ANKRD13C: variants seen among roughly 807,000 people sequenced by gnomAD.
ANKRD13C encodes ankyrin repeat domain 13C.
ANKRD13C carries 16 observed loss-of-function variants against 65.5 expected under a neutral mutation model. The observed-to-expected ratio is 0.24, with a 90% CI of 0.17 to 0.37. The LOEUF (loss-of-function observed/expected upper bound fraction) is 0.37. Among genes scored for constraint, ANKRD13C ranks in the 10% least tolerant of loss-of-function variants. ANKRD13C has a pLI of 1.00. For synonymous variants in ANKRD13C, 235 were observed against 238.7 expected (o/e 0.98, Z 0.14); for missense variants, 503 against 655.9 (o/e 0.77, Z 2.55).
chr1:70,328,840 G>C (rs1340243843), intron 2 of ANKRD13C, among the ~76,000 whole-genome samples: 1 of 152,098 alleles, frequency 6.6e-6, no homozygotes, highest in Non-Finnish European at 1.5e-5. Context: ...GGGGATGATA[G>C]CCAAGATAAA....
chr1:70,334,696 G>A (rs962746423), intron 2 of ANKRD13C, among the ~76,000 whole-genome samples: 2 of 151,800 alleles, frequency 1.3e-5, no homozygotes, highest in Non-Finnish European at 1.5e-5. Context: ...AGGTCAAGGC[G>A]GGTGGATCAC....
At chr1:70,321,390 A>T (rs764252958) in intron 3 of ANKRD13C, among the ~76,000 whole-genome samples, 2 of 152,242 alleles carry the variant, frequency 1.3e-5, no homozygotes, top group Non-Finnish European at 2.9e-5. Flanking sequence ...TTGAAGGCTA[A>T]ATGAAGACTT....
In ANKRD13C at chr1:70,262,282, A is replaced by G. The variant is rs1203456925; in HGVS notation, c.*435T>C. On this transcript the variant is annotated 3_prime_UTR_variant, in exon 13 of 13. Transcript: ENST00000370944. ...AATATTTATAAATGTCACCTTGCAT[A>G]AAGATGACAAGTTTAAAAGGGCTCC... is the stretch of plus-strand genomic sequence containing the variant. The G allele has an allele frequency of 6.5e-6, 1 of 152,704 alleles. No homozygotes were observed. The highest frequency in any genetic ancestry group is 1.5e-5 in the Non-Finnish European group (1 of 68,086). The allele number at this position is 152,704 out of a possible 1,614,324, so 9.5% of individuals were successfully genotyped here.
intron 1 of ANKRD13C, among the ~76,000 whole-genome samples, chr1:70,351,537 T>A (rs1315862430): frequency 6.6e-6 from 1 of 152,054 alleles, no homozygotes; most frequent in Non-Finnish European, 1.5e-5. Context: ...ATAGCTGGGA[T>A]TACAAGCATG....
In ANKRD13C at chr1:70,292,456, T is replaced by C. The variant is rs1679902247; in HGVS notation, c.1147A>G (p.Ile383Val). 1 of 1,609,290 alleles carries C rather than the reference T, an allele frequency of 6.2e-7. No individual in the cohort carries two copies. The highest frequency in any genetic ancestry group is 8.5e-7 in the Non-Finnish European group (1 of 1,178,260). The change falls in exon 9 of 13, where the codon ATT becomes GTT. Residue 383 changes from isoleucine (I) to valine (V), a missense_variant. Ile to Val is a conservative substitution (Grantham distance 29). Coordinates refer to ENST00000370944, the MANE Select transcript of ANKRD13C (RefSeq NM_030816.5). ...KRREHLSEEDILRNKAIMESL... is the reference protein window; with the variant it reads ...KRREHLSEEDVLRNKAIMESL... ...TCCATGATGGCCTTATTTCGAAGAA[T>C]ATCCTCTTCACTGAGATGTTCTCTT...
At chr1:70,285,356 G>A (rs1285709365) in intron 9 of ANKRD13C, among the ~76,000 whole-genome samples, 2 of 151,272 alleles carry the variant, frequency 1.3e-5, no homozygotes, top group Non-Finnish European at 2.9e-5. Context: ...CCATGCCCAC[G>A]AATTTTATTT....
At chr1:70,317,454 A>G (rs1055793494) in intron 3 of ANKRD13C, among the ~76,000 whole-genome samples, 9 of 152,156 alleles carry the variant, frequency 5.9e-5, no homozygotes, top group African/African-American at 2.2e-4. Context: ...TTGGTTTCAA[A>G]TATCTTTTTT....
In ANKRD13C at chr1:70,260,789, C is replaced by A. The variant is rs1572001084; in HGVS notation, c.*1928G>T. 1 of 152,096 alleles carries A rather than the reference C, an allele frequency of 6.6e-6. No homozygotes were observed. Among genetic ancestry groups the A allele is most frequent in the African/African-American group, 2.4e-5 (1 of 41,432 alleles). 9.4% of individuals were successfully genotyped at this position (152,096 alleles called of 1,614,324 possible). A position where few individuals can be genotyped will look rare whatever the true frequency, so the allele number is the denominator to read the frequency against. ...GCAAAAATTTCCAGTAGTCTTCCTA[C>A]CTCCAGTGTACCCCAGCAAAATATT... On this transcript the variant is annotated 3_prime_UTR_variant, in exon 13 of 13. Transcript: ENST00000370944.
In ANKRD13C at chr1:70,354,654, G is replaced by C. The variant is rs1367853122; in HGVS notation, c.-246C>G. ...AGGTGCCCACGACACCAGGATCTCA[G>C]TCTCGCCGTCGCAGCCGCCGTCGCT... is the stretch of plus-strand genomic sequence containing the variant. On this transcript the variant is annotated 5_prime_UTR_variant, in exon 1 of 13. Transcript: ENST00000370944. 1 of 941,038 alleles carries C rather than the reference G, an allele frequency of 1.1e-6. No homozygotes were observed. Among genetic ancestry groups the C allele is most frequent in the African/African-American group, 1.7e-5 (1 of 60,148 alleles). 58.3% of individuals were successfully genotyped at this position (941,038 alleles called of 1,614,324 possible).
intron 2 of ANKRD13C, among the ~76,000 whole-genome samples, chr1:70,329,739 A>G (rs1681699759): frequency 6.6e-6 from 1 of 152,086 alleles, no homozygotes. Flanking sequence ...GCAACTAACA[A>G]AAAATCAGAT....
intron 1 of ANKRD13C, among the ~76,000 whole-genome samples, chr1:70,338,395 GAA>G (rs1479767865): frequency 1.3e-5 from 2 of 151,986 alleles, no homozygotes; most frequent in Non-Finnish European, 2.9e-5. Context: ...AAATGTTTAA[GAA>G]CAATTTTTGT....
At chr1:70,292,590 T>TA (rs1304087285) in intron 8 of ANKRD13C, 41 bp from the exon 9 acceptor site, 18 of 1,456,824 alleles carry the variant, frequency 1.2e-5, no homozygotes, top group Non-Finnish European at 1.6e-5. Flanking sequence ...ATTTTTAGGT[T>TA]AAAAAAAGTG....
chr1:70,279,223 G>A (rs903332404), intron 9 of ANKRD13C, among the ~76,000 whole-genome samples: 2 of 148,034 alleles, frequency 1.4e-5, no homozygotes, highest in Admixed American at 1.3e-4. Context: ...AATTAAAAAA[G>A]AGAGAGAGAG....
At chr1:70,279,592 G>A (rs1170400074) in intron 9 of ANKRD13C, among the ~76,000 whole-genome samples, 3 of 138,964 alleles carry the variant, frequency 2.2e-5, no homozygotes, top group South Asian at 2.4e-4. Context: ...TGCAACCTCC[G>A]CCTCCCAGGT....
chr1:70,298,762 GT>G (rs1489813090), intron 7 of ANKRD13C, among the ~76,000 whole-genome samples: 10 of 152,078 alleles, frequency 6.6e-5, no homozygotes, highest in African/African-American at 2.2e-4. Flanking sequence ...TCAGCTGCCT[GT>G]TTTTATGAAT....
At chr1:70,267,401 T>G (rs909688585) in intron 12 of ANKRD13C, among the ~76,000 whole-genome samples, 24 of 152,286 alleles carry the variant, frequency 1.6e-4, no homozygotes, top group African/African-American at 5.8e-4. Flanking sequence ...AATCCTGCTC[T>G]GTCACCCAGG....
intron 8 of ANKRD13C, among the ~76,000 whole-genome samples, chr1:70,292,862 C>T (rs1482707451): frequency 1.3e-5 from 2 of 152,088 alleles, no homozygotes; most frequent in Non-Finnish European, 2.9e-5. Flanking sequence ...GATCCTACTC[C>T]CAAGTAGCAC....
intron 6 of ANKRD13C, 145 bp from the exon 7 acceptor site, chr1:70,301,053 TATAG>T: frequency 1.4e-6 from 1 of 728,346 alleles, no homozygotes; most frequent in Non-Finnish European, 2.1e-6. Flanking sequence ...AAAACAAATT[TATAG>T]ATAAAAACTA....
In ANKRD13C at chr1:70,262,312, C is replaced by A. The variant is rs1406964585; in HGVS notation, c.*405G>T. The A allele has an allele frequency of 6.5e-6, 1 of 152,800 alleles. No individual in the cohort carries two copies. Among genetic ancestry groups the A allele is most frequent in the Admixed American group, 6.5e-5 (1 of 15,306 alleles). 9.5% of individuals were successfully genotyped at this position (152,800 alleles called of 1,614,324 possible). On this transcript the variant is annotated 3_prime_UTR_variant, in exon 13 of 13. Transcript: ENST00000370944. ...TGACAAGTTTAAAAGGGCTCCATAT[C>A]TCTTAAGACATTTAATTTACGTTAA... is the stretch of plus-strand genomic sequence containing the variant.
Sources: gnomAD v4.1 joint callset for allele counts (sites outside exome capture counted in the v4.1 genomes callset) on GRCh38, gnomAD v4.1.1 for gene constraint, MANE v1.5 for transcripts, NCBI Gene and HGNC (gene_info 2026-07-23, HGNC 2026-07-21) for gene names.